Variants in PCLO observed in about 807,000 individuals in gnomAD.
PCLO encodes the protein piccolo presynaptic cytomatrix protein.
In PCLO, 82 loss-of-function variants were observed where a neutral mutation model predicts 427.5. That is an observed-to-expected ratio of 0.19 (90% confidence interval 0.16 to 0.23). PCLO has a LOEUF of 0.23. Ranked by LOEUF, PCLO falls within the 10% of genes least tolerant of loss-of-function variation. PCLO has a pLI of 1.00. For missense variants in PCLO, 6,239 were observed against 6,115.9 expected (o/e 1.02, Z -0.67); for synonymous variants, 2,357 against 2,155.4 (o/e 1.09, Z -2.59).
intron 13 of PCLO, among the ~76,000 whole-genome samples, chr7:82,843,933 G>A (rs1356415306): frequency 2.0e-5 from 3 of 151,828 alleles, no homozygotes; most frequent in South Asian, 2.1e-4. Context: ...CCCAAAATGC[G>A]GGGATTACAG....
intron 3 of PCLO, among the ~76,000 whole-genome samples, chr7:82,994,513 T>C (rs1276683986): frequency 6.6e-6 from 1 of 151,944 alleles, no homozygotes; most frequent in Non-Finnish European, 1.5e-5. Flanking sequence ...AACATACTAC[T>C]AAAGCAGTTA....
chr7:82,837,814 T>C (rs2115756256), intron 15 of PCLO, among the ~76,000 whole-genome samples: 1 of 152,094 alleles, frequency 6.6e-6, no homozygotes, highest in Admixed American at 6.6e-5. Context: ...AATACACATG[T>C]CCTATAAAAA....
chr7:82,949,690 C>G lies in PCLO; in HGVS notation c.10898G>C (p.Gly3633Ala), dbSNP rs958841230. ...TACAAAGGCTGATTCTAAGGCTTTGCCTGGTGAAAGTGGTGAGATGGGTGA... is the reference window on the plus strand; with the variant it reads ...TACAAAGGCTGATTCTAAGGCTTTGGCTGGTGAAAGTGGTGAGATGGGTGA... ...LYSPISPLSP[G>A]KALESAFVPY... is the part of the protein sequence containing the mutation. Residue 3633 changes from glycine to alanine, a missense_variant, in exon 6 of 25, where the codon GGC (glycine) becomes GCC (alanine). This residue lies in a region of PCLO where 4,677 missense variants were observed against 4,468.4 expected (regional missense o/e 1.05). Transcript: ENST00000333891. The G allele has an allele frequency of 3.1e-6, 5 of 1,613,552 alleles. No homozygotes were observed. The highest frequency in any genetic ancestry group is 1.3e-5 in the African/African-American group (1 of 74,808).
chr7:82,981,139 A>T (rs144411362), intron 3 of PCLO, among the ~76,000 whole-genome samples: 1 of 152,214 alleles, frequency 6.6e-6, no homozygotes, highest in East Asian at 1.9e-4. Context: ...GTGTTAAAAA[A>T]GAGTATAGGC....
chr7:83,037,989 TTATATATATATA>T (rs1161030427), intron 3 of PCLO, among the ~76,000 whole-genome samples: 4,308 of 13,590 alleles, frequency 0.32, 754 homozygotes, highest in Middle Eastern at 0.5. Flanking sequence ...AAGGAGGAGC[TTATATATATATA>T]TATATATATA....
chr7:82,754,527 G>A lies in PCLO; in HGVS notation c.*4048C>T, dbSNP rs1198966356. The A allele has an allele frequency of 6.6e-6, 1 of 151,974 alleles. No homozygotes were observed. Among genetic ancestry groups the A allele is most frequent in the Non-Finnish European group, 1.5e-5 (1 of 67,934 alleles). The allele number at this position is 151,974 out of a possible 1,614,324, so 9.4% of individuals were successfully genotyped here. A position where few individuals can be genotyped will look rare whatever the true frequency, so the allele number is the denominator to read the frequency against. ...AATCAAACAATAATCATATTCACATGCTAAATGCCAAATGAAATTAATATT... is the reference window on the plus strand; with the variant it reads ...AATCAAACAATAATCATATTCACATACTAAATGCCAAATGAAATTAATATT... On this transcript the variant is annotated 3_prime_UTR_variant, in exon 25 of 25. Coordinates refer to ENST00000333891, the MANE Select transcript of PCLO (RefSeq NM_033026.6).
intron 3 of PCLO, among the ~76,000 whole-genome samples, chr7:83,096,632 C>A (rs1411933556): frequency 6.7e-6 from 1 of 148,870 alleles, no homozygotes; most frequent in Non-Finnish European, 1.5e-5. Context: ...TTCAGCATGT[C>A]GAATTTTGTC....
intron 20 of PCLO, among the ~76,000 whole-genome samples, chr7:82,815,774 A>T (rs958365654): frequency 1.3e-5 from 2 of 152,072 alleles, no homozygotes; most frequent in African/African-American, 4.8e-5. Context: ...CGGTTTTGCC[A>T]TTACTTTCAA....
intron 6 of PCLO, among the ~76,000 whole-genome samples, chr7:82,940,879 T>C (rs200999589): frequency 3.3e-5 from 5 of 150,780 alleles, no homozygotes; most frequent in Admixed American, 6.6e-5. Context: ...TCTCCTGTCT[T>C]AGCCTCCCGA....
intron 3 of PCLO, among the ~76,000 whole-genome samples, chr7:83,009,657 T>C (rs1788031250): frequency 6.6e-6 from 1 of 151,918 alleles, no homozygotes; most frequent in African/African-American, 2.4e-5. Flanking sequence ...ATATAAGCTA[T>C]TGCCTGGAAT....
intron 3 of PCLO, among the ~76,000 whole-genome samples, chr7:83,116,902 A>G (rs970317140): frequency 3.9e-5 from 6 of 152,204 alleles, no homozygotes; most frequent in African/African-American, 1.4e-4. Context: ...TGTTTATGGT[A>G]GCATTATTCA....
At chr7:82,941,091 G>GT (rs5885325) in intron 6 of PCLO, among the ~76,000 whole-genome samples, 76,344 of 148,408 alleles carry the variant, frequency 0.51, 19,879 homozygotes, top group East Asian at 0.8. Context: ...AATCATTAAG[G>GT]TTTTTTTTTT....
chr7:82,966,961 T>C (rs1051790952), intron 3 of PCLO, among the ~76,000 whole-genome samples: 1 of 152,156 alleles, frequency 6.6e-6, no homozygotes, highest in African/African-American at 2.4e-5. Context: ...CTCCTATCTC[T>C]TGACTTGGGC....
intron 6 of PCLO, among the ~76,000 whole-genome samples, chr7:82,938,326 A>T (rs1229513882): frequency 1.3e-5 from 2 of 151,990 alleles, no homozygotes; most frequent in East Asian, 3.8e-4. Flanking sequence ...CATGTTTGTT[A>T]GAAAGGCACA....
chr7:82,875,414 C>G (rs377574502), intron 10 of PCLO, among the ~76,000 whole-genome samples: 1 of 151,980 alleles, frequency 6.6e-6, no homozygotes, highest in Admixed American at 6.6e-5. Context: ...ACAAGGTAGA[C>G]TAACTTGTTT....
intron 3 of PCLO, among the ~76,000 whole-genome samples, chr7:82,968,620 A>G (rs1250519611): frequency 6.6e-6 from 1 of 150,642 alleles, no homozygotes; most frequent in Non-Finnish European, 1.5e-5. Context: ...CCCGGGTTCA[A>G]GAAATTCTCC....
chr7:82,782,237 G>A (rs1455598260), intron 22 of PCLO, among the ~76,000 whole-genome samples: 12 of 152,166 alleles, frequency 7.9e-5, no homozygotes, highest in Non-Finnish European at 1.6e-4. Context: ...AATTTGGTGT[G>A]TGGGGAAAAC....
chr7:82,759,546 C>T (rs896767337), intron 24 of PCLO, among the ~76,000 whole-genome samples: 1 of 151,910 alleles, frequency 6.6e-6, no homozygotes, highest in Middle Eastern at 3.2e-3. Context: ...ATTCCAAATT[C>T]CCTGACTACG....
intron 10 of PCLO, among the ~76,000 whole-genome samples, chr7:82,870,370 C>G (rs1421298128): frequency 4.0e-5 from 6 of 151,798 alleles, no homozygotes; most frequent in Non-Finnish European, 8.8e-5. Context: ...ATGGTGCTGA[C>G]AAAACTGGAT....
Sources: gnomAD v4.1 joint callset for allele counts (sites outside exome capture counted in the v4.1 genomes callset) on GRCh38, gnomAD v4.1.1 for gene constraint, gnomAD v4.1.1 regional missense constraint, MANE v1.5 for transcripts, NCBI Gene and HGNC (gene_info 2026-07-23, HGNC 2026-07-21) for gene names.